The following DOCK3 variants were observed in gnomAD, a reference collection of about 807,000 sequenced individuals.
DOCK3 encodes the protein dedicator of cytokinesis protein 3.
Under a neutral mutation model 265.6 loss-of-function variants are expected in DOCK3, and 60 were observed. The observed-to-expected ratio is 0.23, with a 90% CI of 0.18 to 0.28. The LOEUF (loss-of-function observed/expected upper bound fraction) is 0.28, where lower values mean the gene tolerates loss of function less well. Among genes scored for constraint, DOCK3 ranks in the 10% least tolerant of loss-of-function variants. The probability of loss-of-function intolerance (pLI) is 1.00; values close to 1 mark genes in which losing one functional copy is unlikely to be tolerated. For missense variants in DOCK3, 1,981 were observed against 2,594.3 expected (o/e 0.76, Z 5.14); for synonymous variants, 881 against 938.0 (o/e 0.94, Z 1.11).
At chr3:51,069,046 A>T (rs1047676772) in intron 6 of DOCK3, among the ~76,000 whole-genome samples, 3 of 152,178 alleles carry the variant, frequency 2.0e-5, no homozygotes, top group Non-Finnish European at 2.9e-5. Context: ...TGTGACTTAA[A>T]ATTATTGGCC....
At chr3:50,761,565 G>T (rs1210420704) in intron 1 of DOCK3, among the ~76,000 whole-genome samples, 1 of 152,154 alleles carries the variant, frequency 6.6e-6, no homozygotes, top group African/African-American at 2.4e-5. Flanking sequence ...CTGGGAAGCC[G>T]TCAAAAGTGC....
intron 1 of DOCK3, among the ~76,000 whole-genome samples, chr3:50,695,148 C>T (rs2035531594): frequency 2.6e-5 from 4 of 152,222 alleles, no homozygotes; most frequent in Admixed American, 2.6e-4. Flanking sequence ...ATCACATGCA[C>T]TTCTGTTCAG....
intron 2 of DOCK3, among the ~76,000 whole-genome samples, chr3:50,784,484 G>T (rs369552526): frequency 7.2e-5 from 11 of 152,222 alleles, no homozygotes; most frequent in African/African-American, 2.6e-4. Flanking sequence ...TCTTGCTTCG[G>T]CTATGTGGGC....
At chr3:51,357,721 G>A in intron 44 of DOCK3, 37 bp from the exon 45 acceptor site, 1 of 1,609,864 alleles carries the variant, frequency 6.2e-7, no homozygotes, top group Non-Finnish European at 8.5e-7. Context: ...TAGTAGTCCT[G>A]GGAAGAGTCT....
intron 5 of DOCK3, among the ~76,000 whole-genome samples, chr3:50,945,407 A>T (rs1291468332): frequency 1.3e-5 from 2 of 152,152 alleles, no homozygotes; most frequent in African/African-American, 4.8e-5. Flanking sequence ...ATAGGAAGAG[A>T]TTAAACACTC....
chr3:51,018,572 G>C (rs1188739800), intron 5 of DOCK3, among the ~76,000 whole-genome samples: 42 of 151,434 alleles, frequency 2.8e-4, no homozygotes, highest in Non-Finnish European at 5.9e-5. Context: ...AGATTTTGAA[G>C]TATTTGCATA....
At chr3:50,702,543 A>G (rs2036117542) in intron 1 of DOCK3, among the ~76,000 whole-genome samples, 1 of 151,292 alleles carries the variant, frequency 6.6e-6, no homozygotes, top group South Asian at 2.1e-4. Flanking sequence ...TTTTTTTGGT[A>G]TTTTTAGTAG....
chr3:51,304,059 C>T (rs556619992), intron 27 of DOCK3, among the ~76,000 whole-genome samples: 43 of 152,274 alleles, frequency 2.8e-4, no homozygotes, highest in Admixed American at 2.3e-3. Flanking sequence ...CGCAGGTCTC[C>T]GCAGCCCCTC....
intron 13 of DOCK3, among the ~76,000 whole-genome samples, chr3:51,210,767 G>A (rs4619816): frequency 0.58 from 88,089 of 152,064 alleles, 26,129 homozygotes; most frequent in Non-Finnish European, 0.63. Flanking sequence ...ATCTTTGTTA[G>A]ATATTGTGGA....
intron 1 of DOCK3, among the ~76,000 whole-genome samples, chr3:50,754,759 A>G (rs1051313030): frequency 6.6e-6 from 1 of 151,922 alleles, no homozygotes; most frequent in African/African-American, 2.4e-5. Context: ...GGGTTTCACC[A>G]TGTTGGCTAG....
intron 1 of DOCK3, among the ~76,000 whole-genome samples, chr3:50,735,613 C>T (rs1002831057): frequency 2.0e-5 from 3 of 152,042 alleles, no homozygotes; most frequent in East Asian, 1.9e-4. Flanking sequence ...GCTGGGATTG[C>T]GGGGTGAGCC....
chr3:50,994,575 T>A (rs1159583112), intron 5 of DOCK3, among the ~76,000 whole-genome samples: 1 of 152,196 alleles, frequency 6.6e-6, no homozygotes, highest in African/African-American at 2.4e-5. Flanking sequence ...AGAACAAGTA[T>A]GTATATGTCA....
chr3:51,045,025 G>A (rs1475845452), intron 5 of DOCK3, among the ~76,000 whole-genome samples: 1 of 152,170 alleles, frequency 6.6e-6, no homozygotes, highest in Non-Finnish European at 1.5e-5. Context: ...CACTGGAGTA[G>A]CACTTTTAAT....
intron 39 of DOCK3, 87 bp from the exon 40 acceptor site, chr3:51,350,201 A>G: frequency 8.5e-7 from 1 of 1,182,274 alleles, no homozygotes; most frequent in Non-Finnish European, 1.2e-6. Context: ...ATCCCTTTCC[A>G]GAAGACAGTG....
At chr3:50,682,693 C>A (rs1338644126) in intron 1 of DOCK3, among the ~76,000 whole-genome samples, 1 of 152,198 alleles carries the variant, frequency 6.6e-6, no homozygotes, top group South Asian at 2.1e-4. Flanking sequence ...ATTCCCAACA[C>A]TTTGGGAGGC....
chr3:51,310,251 T>G lies in DOCK3; in HGVS notation c.2942T>G (p.Phe981Cys). 6.2e-7 allele frequency: 1 copy of G among 1,603,024 alleles called. No homozygotes were observed. Among genetic ancestry groups the G allele is most frequent in the African/African-American group, 1.3e-5 (1 of 74,966 alleles). The part of the protein sequence containing the change: ...DELKEFLLKI[F>C]CVFRNLMKMS... ...TGTCAGGAATTTCTGCTGAAGATTT[T>G]TTGCGTGTTCCGGAACCTGATGAAG... The change falls in exon 28 of 53, where the codon TTT (phenylalanine) becomes TGT (cysteine). Residue 981 changes from phenylalanine (F) to cysteine (C), a missense_variant. This residue lies in a region of DOCK3 where 1,357 missense variants were observed against 1,866.8 expected (regional missense o/e 0.73). Transcript: ENST00000266037.
At chr3:51,348,196 G>C (rs756831312) in intron 38 of DOCK3, among the ~76,000 whole-genome samples, 1 of 152,156 alleles carries the variant, frequency 6.6e-6, no homozygotes, top group African/African-American at 2.4e-5. Context: ...TGTTGCATGG[G>C]CATGTTGCTG....
intron 2 of DOCK3, among the ~76,000 whole-genome samples, chr3:50,788,594 G>A (rs532475758): frequency 6.6e-6 from 1 of 152,246 alleles, no homozygotes; most frequent in African/African-American, 2.4e-5. Flanking sequence ...TCCCTGCAGT[G>A]GGGGGACTGT....
intron 5 of DOCK3, among the ~76,000 whole-genome samples, chr3:50,951,578 G>A (rs2076593698): frequency 6.6e-6 from 1 of 152,026 alleles, no homozygotes; most frequent in Non-Finnish European, 1.5e-5. Context: ...AGTGGAACAG[G>A]GGACATAAAA....
Sources: gnomAD v4.1 joint callset for allele counts (sites outside exome capture counted in the v4.1 genomes callset) on GRCh38, gnomAD v4.1.1 for gene constraint, gnomAD v4.1.1 regional missense constraint, MANE v1.5 for transcripts, NCBI Gene and HGNC (gene_info 2026-07-23, HGNC 2026-07-21) for gene names.